Variants in SNX29 observed in about 807,000 individuals in gnomAD.
SNX29 encodes sorting nexin-29.
Under a neutral mutation model 102.1 loss-of-function variants are expected in SNX29, and 78 were observed. The ratio of observed to expected loss-of-function variants is 0.76; its 90% CI spans 0.64 to 0.92. SNX29 has a LOEUF of 0.92. Ranked by LOEUF, SNX29 falls within the 40% of genes least tolerant of loss-of-function variation. SNX29 has a pLI of 0.00. For synonymous variants in SNX29, 580 were observed against 414.5 expected (o/e 1.40, Z -4.85); for missense variants, 1,280 against 1,061.7 (o/e 1.21, Z -2.86).
chr16:12,343,637 T>C (rs1415840981), intron 15 of SNX29, among the ~76,000 whole-genome samples: 2 of 151,984 alleles, frequency 1.3e-5, no homozygotes, highest in African/African-American at 4.8e-5. Flanking sequence ...ACCGTAGTCT[T>C]CCTGCTGTGC....
intron 19 of SNX29, among the ~76,000 whole-genome samples, chr16:12,489,682 A>T (rs2088441188): frequency 6.6e-6 from 1 of 152,110 alleles, no homozygotes; most frequent in Non-Finnish European, 1.5e-5. Context: ...GGGAGGAAGC[A>T]CTCATTTGAT....
At chr16:11,984,940 C>T (rs1470343289) in intron 1 of SNX29, among the ~76,000 whole-genome samples, 2 of 152,152 alleles carry the variant, frequency 1.3e-5, no homozygotes, top group African/African-American at 4.8e-5. Context: ...CAGGTGTGAA[C>T]CACTGTACCT....
At chr16:12,175,651 CA>C (rs367874903) in intron 13 of SNX29, among the ~76,000 whole-genome samples, 1,748 of 117,444 alleles carry the variant, frequency 0.015, 22 homozygotes, top group African/African-American at 0.047. Context: ...GACTCCGTCT[CA>C]AAAAAAAAAA....
At chr16:12,249,804 A>G (rs16959088) in intron 14 of SNX29, among the ~76,000 whole-genome samples, 1 of 152,354 alleles carries the variant, frequency 6.6e-6, no homozygotes, top group African/African-American at 2.4e-5. Context: ...TGGGTGACCA[A>G]AACCCACCTG....
chr16:12,568,443 C>G, intron 20 of SNX29, 63 bp from the exon 21 acceptor site: 46 of 1,592,558 alleles, frequency 2.9e-5, no homozygotes, highest in Non-Finnish European at 3.8e-5. Flanking sequence ...GCTCCCCTTC[C>G]TGGCCTGTGG....
At chr16:12,557,417 T>C (rs752460481) in intron 20 of SNX29, 9 of 152,058 alleles carry the variant, frequency 5.9e-5, no homozygotes, top group Non-Finnish European at 1.0e-4. Context: ...TGAGACTGAG[T>C]TTGGCATGAT....
intron 19 of SNX29, among the ~76,000 whole-genome samples, chr16:12,492,115 A>G (rs2088580436): frequency 6.6e-6 from 1 of 152,248 alleles, no homozygotes; most frequent in African/African-American, 2.4e-5. Flanking sequence ...ACTGACTTCC[A>G]CAATGGTTGA....
At chr16:12,110,827 TA>T (rs201092738) in intron 11 of SNX29, among the ~76,000 whole-genome samples, 32 of 151,552 alleles carry the variant, frequency 2.1e-4, no homozygotes, top group Admixed American at 5.3e-4. Context: ...TTTTCTTTTT[TA>T]ATTTTTTTTT....
intron 14 of SNX29, among the ~76,000 whole-genome samples, chr16:12,264,571 C>G (rs2078871313): frequency 6.6e-6 from 1 of 152,178 alleles, no homozygotes; most frequent in African/African-American, 2.4e-5. Context: ...TGCCTGCAGT[C>G]AGGAGCTTGA....
At chr16:12,002,915 C>G in intron 2 of SNX29, 76 bp from the exon 3 acceptor site, 1 of 1,564,262 alleles carries the variant, frequency 6.4e-7, no homozygotes, top group South Asian at 1.1e-5. Flanking sequence ...ACCCTTAAGC[C>G]CTGTGTAGGC....
At chr16:12,420,610 A>C (rs1338370230) in intron 18 of SNX29, among the ~76,000 whole-genome samples, 1 of 152,346 alleles carries the variant, frequency 6.6e-6, no homozygotes, top group Middle Eastern at 3.4e-3. Flanking sequence ...ACATCTCTGC[A>C]TGTCAGTTTC....
Position 12,564,619 on chromosome 16 carries a change from C to G in SNX29, c.2319-3887C>G, listed in dbSNP as rs535708003. ...TTTGTGAAACTGTAACAGACCTAGT[C>G]CCAGCATTAACAGAGTCCCTGCTGG... On this transcript the variant is annotated intron_variant, in intron 20 of 20. Transcript: ENST00000566228. Among the ~76,000 whole-genome samples the G allele has an allele frequency of 2.0e-5, 3 of 151,566 alleles. No homozygotes were observed. The South Asian group carries it at 6.2e-4, about 31-fold the overall frequency.
intron 16 of SNX29, among the ~76,000 whole-genome samples, chr16:12,393,873 A>G (rs2083626085): frequency 6.6e-6 from 1 of 152,248 alleles, no homozygotes; most frequent in South Asian, 2.1e-4. Context: ...TAGGGCAATC[A>G]GAGGCTGGTT....
chr16:12,208,776 G>A (rs1248201596), intron 14 of SNX29, among the ~76,000 whole-genome samples: 1 of 151,490 alleles, frequency 6.6e-6, no homozygotes, highest in Non-Finnish European at 1.5e-5. Context: ...AGAAGGTTGA[G>A]ACTGCACTGA....
chr16:12,467,884 G>T lies in SNX29; in HGVS notation c.2038-9835G>T, dbSNP rs544219576. Among the ~76,000 whole-genome samples, 7 of 152,326 alleles carry T rather than the reference G, an allele frequency of 4.6e-5. No individual in the cohort carries two copies. In the East Asian group the frequency reaches 1.4e-3, roughly 29 times the overall value. ...AGTTGAGCCAGAAACCTCACGGAGT[G>T]AGGGGATAGGCATCGAGGCTGTCCA... On this transcript the variant is annotated intron_variant, in intron 18 of 20. Coordinates refer to ENST00000566228, the MANE Select transcript of SNX29 (RefSeq NM_032167.5).
At chr16:12,433,025 A>G (rs1316860346) in intron 18 of SNX29, among the ~76,000 whole-genome samples, 1 of 152,196 alleles carries the variant, frequency 6.6e-6, no homozygotes, top group Non-Finnish European at 1.5e-5. Flanking sequence ...CAGAGCCACT[A>G]GGAATATGCA....
chr16:12,030,492 C>T (rs1409391637), intron 4 of SNX29, among the ~76,000 whole-genome samples: 1 of 152,210 alleles, frequency 6.6e-6, no homozygotes, highest in East Asian at 1.9e-4. Context: ...CTTCTCTGCC[C>T]CAAAACCAGT....
intron 16 of SNX29, among the ~76,000 whole-genome samples, chr16:12,360,904 G>A (rs1030269826): frequency 6.6e-6 from 1 of 152,182 alleles, no homozygotes; most frequent in South Asian, 2.1e-4. Context: ...GAGTGTGTAT[G>A]TAATAGAGCC....
intron 2 of SNX29, chr16:12,000,326 G>A (rs2056241044): frequency 6.6e-6 from 1 of 152,236 alleles, no homozygotes; most frequent in African/African-American, 2.4e-5. Context: ...CCTACAATTG[G>A]TTTCATTTTA....
Sources: allele counts gnomAD v4.1 joint callset (sites outside exome capture counted in the v4.1 genomes callset), GRCh38; gene constraint gnomAD v4.1.1; transcripts MANE v1.5; gene names NCBI Gene and HGNC (gene_info 2026-07-23, HGNC 2026-07-21).